LRFN2: variants seen among roughly 807,000 people sequenced by gnomAD.
LRFN2 encodes the protein leucine-rich repeat and fibronectin type-III domain-containing protein 2.
Under a neutral mutation model 37.3 loss-of-function variants are expected in LRFN2, and 18 were observed. That is an observed-to-expected ratio of 0.48 (90% CI 0.33 to 0.72). The LOEUF is 0.72. LRFN2 is among the 30% of genes least tolerant of loss of function. The pLI is 0.02. For missense variants in LRFN2, 1,006 were observed against 1,060.7 expected, an observed-to-expected ratio of 0.95 and a Z score of 0.72; for synonymous variants, 556 against 466.6, an observed-to-expected ratio of 1.19 and a Z score of -2.47.
At chr6:40,411,997 T>A (rs916861770) in intron 2 of LRFN2, among the ~76,000 whole-genome samples, 1 of 152,198 alleles carries the variant, frequency 6.6e-6, no homozygotes, top group African/African-American at 2.4e-5. Context: ...GTCTCTCATC[T>A]GCATGTAACG....
intron 1 of LRFN2, among the ~76,000 whole-genome samples, chr6:40,442,171 A>G (rs914169662): frequency 1.3e-5 from 2 of 152,218 alleles, no homozygotes; most frequent in African/African-American, 4.8e-5. Context: ...GAGCAACTTC[A>G]GTGCAGGGTC....
chr6:40,425,193 A>G (rs949902405), intron 2 of LRFN2, among the ~76,000 whole-genome samples: 2 of 152,190 alleles, frequency 1.3e-5, no homozygotes, highest in Non-Finnish European at 2.9e-5. Flanking sequence ...ATAGGGCGCG[A>G]CAGGGGCTGG....
In LRFN2 at chr6:40,396,742, G is replaced by A. The variant is rs191621089; in HGVS notation, c.1401-3830C>T. ...TGTGTGTGTGTGTGTATGTGTGCGT[G>A]TGTACGTCTGTGTGTGTGTGTTGGC... is the stretch of plus-strand genomic sequence containing the variant. On this transcript the variant is annotated intron_variant, in intron 2 of 2. Transcript: ENST00000338305. Among the ~76,000 whole-genome samples, 217 of 150,428 alleles carry A rather than the reference G, an allele frequency of 1.4e-3. 1 individual carries two copies. The highest frequency in any genetic ancestry group is 3.8e-3 in the Admixed American group (58 of 15,142).
intron 1 of LRFN2, among the ~76,000 whole-genome samples, chr6:40,573,679 T>G (rs913575236): frequency 6.6e-6 from 1 of 152,108 alleles, no homozygotes; most frequent in South Asian, 2.1e-4. Context: ...TTTCCTAACT[T>G]CAAAACTGAA....
At chr6:40,514,006 C>A (rs1159441776) in intron 1 of LRFN2, among the ~76,000 whole-genome samples, 2 of 151,680 alleles carry the variant, frequency 1.3e-5, no homozygotes, top group African/African-American at 2.4e-5. Flanking sequence ...TCATGATGGA[C>A]CACCATGCCA....
chr6:40,547,105 C>CT (rs71307603), intron 1 of LRFN2, among the ~76,000 whole-genome samples: 13,379 of 139,374 alleles, frequency 0.096, 837 homozygotes, highest in African/African-American at 0.18. Context: ...TAATGCAAAT[C>CT]TTTTTTTTTT....
chr6:40,577,909 G>A (rs1253786732), intron 1 of LRFN2, among the ~76,000 whole-genome samples: 1 of 152,044 alleles, frequency 6.6e-6, no homozygotes, highest in African/African-American at 2.4e-5. Context: ...GGGGTGGGTA[G>A]GAATATGGCC....
intron 1 of LRFN2, among the ~76,000 whole-genome samples, chr6:40,504,006 G>A (rs943247669): frequency 4.6e-5 from 7 of 152,030 alleles, no homozygotes; most frequent in Non-Finnish European, 8.8e-5. Flanking sequence ...CAGGGGTGGC[G>A]AGAGATAGGA....
rs571637738 is a variant in LRFN2, at chr6:40,542,197, C to A, written c.-19+44744G>T. On this transcript the variant is annotated intron_variant, in intron 1 of 2. Transcript: ENST00000338305. The stretch of plus-strand genomic sequence containing the variant: ...CTGGCATCAACTCTGACATGAGAAG[C>A]AAGGAGAGTGCCAGGGGAAGCCTCA... Among the ~76,000 whole-genome samples, 25 of 152,302 alleles carry A rather than the reference C, an allele frequency of 1.6e-4. 1 individual carries two copies. Among genetic ancestry groups the A allele is most frequent in the Admixed American group, 1.6e-3 (24 of 15,306 alleles).
chr6:40,501,315 A>G (rs1012847490), intron 1 of LRFN2, among the ~76,000 whole-genome samples: 3 of 151,824 alleles, frequency 2.0e-5, no homozygotes, highest in East Asian at 3.9e-4. Context: ...ATTTCCTATC[A>G]TAAGCATTGA....
chr6:40,466,956 G>A (rs1764484652), intron 1 of LRFN2, among the ~76,000 whole-genome samples: 1 of 151,982 alleles, frequency 6.6e-6, no homozygotes. Flanking sequence ...ACACACAGAG[G>A]AAAAATCATG....
chr6:40,462,285 G>C (rs961065459), intron 1 of LRFN2, among the ~76,000 whole-genome samples: 1 of 152,212 alleles, frequency 6.6e-6, no homozygotes, highest in Non-Finnish European at 1.5e-5. Flanking sequence ...AAAGCCCTGG[G>C]ATAGTGGCTG....
At chr6:40,484,694 C>A (rs1236184444) in intron 1 of LRFN2, among the ~76,000 whole-genome samples, 1 of 152,206 alleles carries the variant, frequency 6.6e-6, no homozygotes. Context: ...AGCTGCTGCC[C>A]ACCCATCATC....
rs114828629 is a variant in LRFN2, at chr6:40,441,986, G to A, written c.-18-8855C>T. Among the ~76,000 whole-genome samples, 729 of 152,238 alleles carry A rather than the reference G, an allele frequency of 4.8e-3. 7 individuals are homozygous for A. The highest frequency in any genetic ancestry group is 0.016 in the African/African-American group (663 of 41,548). Reference sequence around the variant, plus strand: ...CATTTCCAGTCACCAGGGCCTTGCCGGGCCTTTCTCCCTCACCCAAGGACT... The same window carrying A: ...CATTTCCAGTCACCAGGGCCTTGCCAGGCCTTTCTCCCTCACCCAAGGACT... On this transcript the variant is annotated intron_variant, in intron 1 of 2. Transcript: ENST00000338305.
At chr6:40,520,189 A>G (rs558694598) in intron 1 of LRFN2, among the ~76,000 whole-genome samples, 39 of 152,310 alleles carry the variant, frequency 2.6e-4, no homozygotes, top group African/African-American at 9.4e-4. Flanking sequence ...TCTGGCAACC[A>G]TGAGAACTGT....
chr6:40,560,762 T>A (rs1002710283), intron 1 of LRFN2, among the ~76,000 whole-genome samples: 3 of 152,216 alleles, frequency 2.0e-5, no homozygotes, highest in Non-Finnish European at 4.4e-5. Flanking sequence ...AAGGACATCA[T>A]GTCATAGTAT....
intron 1 of LRFN2, among the ~76,000 whole-genome samples, chr6:40,540,402 C>G (rs1243537165): frequency 1.3e-5 from 2 of 152,144 alleles, no homozygotes; most frequent in East Asian, 3.9e-4. Context: ...TGCAAAGCAT[C>G]AGGGTGTCTT....
intron 1 of LRFN2, among the ~76,000 whole-genome samples, chr6:40,576,008 C>T (rs936326113): frequency 6.6e-6 from 1 of 152,116 alleles, no homozygotes; most frequent in African/African-American, 2.4e-5. Context: ...TACCCAGTGG[C>T]CATTATTATT....
intron 2 of LRFN2, among the ~76,000 whole-genome samples, chr6:40,395,532 A>C (rs1272028915): frequency 6.6e-6 from 1 of 152,170 alleles, no homozygotes; most frequent in Non-Finnish European, 1.5e-5. Context: ...TGCAGGGGAC[A>C]CTTGAGTCCT....
Sources: gnomAD v4.1 joint callset for allele counts (sites outside exome capture counted in the v4.1 genomes callset) on GRCh38, gnomAD v4.1.1 for gene constraint, MANE v1.5 for transcripts, NCBI Gene and HGNC (gene_info 2026-07-23, HGNC 2026-07-21) for gene names.